Variants in TNNI3K observed in about 807,000 individuals in gnomAD.
TNNI3K encodes serine/threonine-protein kinase TNNI3K.
Under a neutral mutation model 114.5 loss-of-function variants are expected in TNNI3K, and 140 were observed. The ratio of observed to expected loss-of-function variants is 1.22; its 90% CI spans 1.07 to 1.41. The LOEUF (loss-of-function observed/expected upper bound fraction) is 1.41. TNNI3K is among the 40% of genes most tolerant of loss of function. The pLI, the probability that TNNI3K is intolerant of heterozygous loss-of-function variation, is 0.00. For missense variants in TNNI3K, 1,125 were observed against 1,007.6 expected, an observed-to-expected ratio of 1.12 and a Z score of -1.58; for synonymous variants, 347 against 347.5, an observed-to-expected ratio of 1.00 and a Z score of 0.02.
chr1:74,246,878 A>T (rs1041548274), intron 2 of TNNI3K, among the ~76,000 whole-genome samples: 2 of 152,210 alleles, frequency 1.3e-5, no homozygotes, highest in Admixed American at 1.3e-4. Flanking sequence ...AATCCTTGAA[A>T]GCCTCATTCT....
intron 17 of TNNI3K, chr1:74,377,018 C>T (rs974241621): frequency 7.2e-5 from 11 of 151,978 alleles, no homozygotes; most frequent in African/African-American, 2.7e-4. Context: ...AATCCTGATG[C>T]TGATTACATC....
At chr1:74,358,861 G>C (rs374173888) in intron 11 of TNNI3K, among the ~76,000 whole-genome samples, 2 of 151,994 alleles carry the variant, frequency 1.3e-5, no homozygotes, top group African/African-American at 4.8e-5. Flanking sequence ...ATATAATAAC[G>C]TAAGAATTCA....
intron 21 of TNNI3K, chr1:74,469,998 T>G (rs543187803): frequency 2.5e-6 from 1 of 400,754 alleles, no homozygotes; most frequent in South Asian, 1.3e-4. Context: ...CCTCATTTTC[T>G]GCCTCAAAAC....
intron 17 of TNNI3K, among the ~76,000 whole-genome samples, chr1:74,402,979 A>G (rs1039153115): frequency 6.6e-6 from 1 of 152,198 alleles, no homozygotes; most frequent in African/African-American, 2.4e-5. Context: ...TATTCCACTC[A>G]TATTCATAAT....
At chr1:74,330,800 C>T (rs1340977774) in intron 5 of TNNI3K, among the ~76,000 whole-genome samples, 2 of 151,954 alleles carry the variant, frequency 1.3e-5, no homozygotes, top group Admixed American at 1.3e-4. Context: ...TTCATTTGTT[C>T]ATTCATTTCT....
intron 9 of TNNI3K, among the ~76,000 whole-genome samples, chr1:74,352,871 C>T (rs996071670): frequency 7.9e-5 from 12 of 152,172 alleles, no homozygotes; most frequent in Non-Finnish European, 1.6e-4. Flanking sequence ...TCTGTCACCC[C>T]TTTCTTTGAC....
chr1:74,345,017 A>G (rs1346118751), intron 9 of TNNI3K, among the ~76,000 whole-genome samples: 1 of 152,050 alleles, frequency 6.6e-6, no homozygotes, highest in African/African-American at 2.4e-5. Context: ...ATGTACACGC[A>G]TACACGTGTG....
At chr1:74,307,198 A>T (rs929392998) in intron 5 of TNNI3K, among the ~76,000 whole-genome samples, 51 of 152,302 alleles carry the variant, frequency 3.3e-4, no homozygotes, top group African/African-American at 9.6e-4. Context: ...AAGCCCACAA[A>T]CCCTATAAAG....
In TNNI3K at chr1:74,379,232, A is replaced by G. The variant is rs572023360; in HGVS notation, c.1772+8840A>G. On this transcript the variant is annotated intron_variant, in intron 17 of 24. Transcript: ENST00000326637. ...ATTGAAATATGGCTCAAGAGGAAAA[A>G]CATATAACTATATAAATATAATAGT... is the stretch of plus-strand genomic sequence containing the variant. Among the ~76,000 whole-genome samples the G allele has an allele frequency of 4.7e-4, 72 of 152,174 alleles. 1 individual carries two copies. The highest frequency in any genetic ancestry group is 1.7e-3 in the African/African-American group (70 of 41,534).
intron 23 of TNNI3K, among the ~76,000 whole-genome samples, chr1:74,513,099 C>G (rs758159879): frequency 7.2e-5 from 11 of 152,188 alleles, no homozygotes; most frequent in Non-Finnish European, 1.0e-4. Context: ...TAGAATCAAC[C>G]TAGCACACAG....
At chr1:74,247,273 G>A (rs554758608) in intron 2 of TNNI3K, among the ~76,000 whole-genome samples, 21 of 152,150 alleles carry the variant, frequency 1.4e-4, no homozygotes, top group East Asian at 9.7e-4. Context: ...TTACCGCGGC[G>A]CATCTGGAGT....
rs1452380676 is a variant in TNNI3K, at chr1:74,250,725, C to T, written c.289C>T (p.Leu97=). ...GTTGAAAGGGCTCCGCCCATCTCGA[C>T]TGACAAGAAATGGATTTACAGCCTT... The part of the protein sequence containing the change: ...LMLKGLRPSR[L]TRNGFTALHL... Residue 97 remains leucine, a synonymous_variant, in exon 4 of 25, where the codon CTG becomes TTG. Transcript: ENST00000326637. The T allele has an allele frequency of 6.2e-7, 1 of 1,613,320 alleles. No individual in the cohort carries two copies. Among genetic ancestry groups the T allele is most frequent in the Admixed American group, 1.7e-5 (1 of 59,866 alleles).
chr1:74,405,587 G>C (rs1322063957), intron 17 of TNNI3K, among the ~76,000 whole-genome samples: 2 of 152,146 alleles, frequency 1.3e-5, no homozygotes, highest in Non-Finnish European at 2.9e-5. Context: ...TCATGACACA[G>C]AGAAAAGCAC....
chr1:74,454,770 G>T (rs1557577014), intron 20 of TNNI3K, among the ~76,000 whole-genome samples: 1 of 152,044 alleles, frequency 6.6e-6, no homozygotes, highest in South Asian at 2.1e-4. Context: ...TAGTACAATT[G>T]TTAGTTTTTT....
intron 20 of TNNI3K, among the ~76,000 whole-genome samples, chr1:74,446,294 T>C (rs1382558076): frequency 1.3e-5 from 2 of 149,086 alleles, no homozygotes; most frequent in Non-Finnish European, 3.0e-5. Flanking sequence ...TGGCCAGTGA[T>C]GATGAGCATT....
At chr1:74,258,943 A>G (rs1655499782) in intron 4 of TNNI3K, among the ~76,000 whole-genome samples, 1 of 152,222 alleles carries the variant, frequency 6.6e-6, no homozygotes, top group African/African-American at 2.4e-5. Context: ...GATGTAAACA[A>G]TCTAGGTCTA....
At chr1:74,396,103 A>G (rs1664066433) in intron 17 of TNNI3K, among the ~76,000 whole-genome samples, 1 of 152,200 alleles carries the variant, frequency 6.6e-6, no homozygotes, top group Non-Finnish European at 1.5e-5. Context: ...GCCTTCTCTC[A>G]ATGAAAAGCT....
chr1:74,499,464 A>G (rs1330155702), intron 23 of TNNI3K, among the ~76,000 whole-genome samples: 1 of 152,158 alleles, frequency 6.6e-6, no homozygotes, highest in Non-Finnish European at 1.5e-5. Context: ...TGTTGTTGTA[A>G]TTGTTCTATT....
At chr1:74,447,681 C>T (rs2100689215) in intron 20 of TNNI3K, among the ~76,000 whole-genome samples, 1 of 28,196 alleles carries the variant, frequency 3.5e-5, no homozygotes, top group South Asian at 1.1e-3. Flanking sequence ...ACTAGTTCAA[C>T]CATTGTGGAA....
Sources: gnomAD v4.1 joint callset for allele counts (sites outside exome capture counted in the v4.1 genomes callset) on GRCh38, gnomAD v4.1.1 for gene constraint, MANE v1.5 for transcripts, NCBI Gene and HGNC (gene_info 2026-07-23, HGNC 2026-07-21) for gene names.